ADGRG2: variants seen among roughly 807,000 people sequenced by gnomAD.
ADGRG2 encodes G protein-coupled receptor 64.
In ADGRG2, 26 loss-of-function variants were observed where a neutral mutation model predicts 74.1. That is an observed-to-expected ratio of 0.35 (90% CI 0.26 to 0.49). The LOEUF (loss-of-function observed/expected upper bound fraction) is 0.49, where lower values mean the gene tolerates loss of function less well. Ranked by LOEUF, ADGRG2 falls within the 20% of genes least tolerant of loss-of-function variation. The pLI is 0.99. For synonymous variants in ADGRG2, 296 were observed against 295.2 expected (o/e 1.00, Z -0.03); for missense variants, 619 against 763.1 (o/e 0.81, Z 2.22).
chrX:19,007,909 G>T, intron 19 of ADGRG2, 71 bp downstream of exon 19: 1 of 907,568 alleles, frequency 1.1e-6, no homozygotes, highest in African/African-American at 2.0e-5. Context: ...GAATATTCGA[G>T]CACTAAAAGA....
chrX:18,989,930 A>G lies in ADGRG2; in HGVS notation c.*934T>C, dbSNP rs1294796564. 2 of 112,407 alleles carry G rather than the reference A, an allele frequency of 1.8e-5. No individual in the cohort carries two copies. Among genetic ancestry groups the G allele is most frequent in the Non-Finnish European group, 3.8e-5 (2 of 53,201 alleles). The allele number at this position is 112,407 out of a possible 1,213,427, so 9.3% of individuals were successfully genotyped here. A position where few individuals can be genotyped will look rare whatever the true frequency, so the allele number is the denominator to read the frequency against. On this transcript the variant is annotated 3_prime_UTR_variant, in exon 29 of 29. Coordinates refer to ENST00000379869, the MANE Select transcript of ADGRG2 (RefSeq NM_001079858.3). Reference sequence around the variant, plus strand: ...CATCTACGTTCACAATTTTCCTGACACATGGTCTGGATGACAGTTCATCCC... The same window carrying G: ...CATCTACGTTCACAATTTTCCTGACGCATGGTCTGGATGACAGTTCATCCC...
intron 1 of ADGRG2, among the ~76,000 whole-genome samples, chrX:19,121,905 C>T (rs1162835398): frequency 8.9e-6 from 1 of 111,953 alleles, no homozygotes; most frequent in African/African-American, 3.2e-5. Context: ...GGCGTGCTCA[C>T]CCCCTGGCTC....
At chrX:19,093,900 T>TAC (rs1491463058) in intron 1 of ADGRG2, among the ~76,000 whole-genome samples, 5 of 84,828 alleles carry the variant, frequency 5.9e-5, no homozygotes, top group South Asian at 5.8e-4. Flanking sequence ...GGTATGTAGG[T>TAC]ATACACACAC....
At chrX:19,071,656 G>A (rs1240495152) in intron 2 of ADGRG2, among the ~76,000 whole-genome samples, 1 of 111,545 alleles carries the variant, frequency 9.0e-6, no homozygotes, top group East Asian at 2.8e-4. Flanking sequence ...TGGGCACAAG[G>A]GAGGCTTCTG....
At position 19,040,146 on chromosome X, in the gene ADGRG2, A is replaced by G. The variant is rs185062999; in HGVS notation, c.154+43T>C. Reference sequence around the variant, plus strand: ...TGTTTCATAGAGAACTTACAGAATAATATTTTCCTGAAATTCCCCAGAGTT... The same window carrying G: ...TGTTTCATAGAGAACTTACAGAATAGTATTTTCCTGAAATTCCCCAGAGTT... On this transcript the variant is annotated intron_variant, in intron 4 of 28. Coordinates refer to ENST00000379869, the MANE Select transcript of ADGRG2 (RefSeq NM_001079858.3). The G allele has an allele frequency of 8.8e-4, 808 of 915,601 alleles. 3 individuals carry two copies. The African/African-American group carries it at 0.012, about 13-fold the overall frequency. 75.5% of individuals were successfully genotyped at this position (915,601 alleles called of 1,213,427 possible). A position where few individuals can be genotyped will look rare whatever the true frequency, so the allele number is the denominator to read the frequency against.
chrX:19,026,833 T>C (rs1471441111), intron 11 of ADGRG2, among the ~76,000 whole-genome samples: 1 of 111,376 alleles, frequency 9.0e-6, no homozygotes, highest in Admixed American at 9.6e-5. Context: ...TCATTGTCTG[T>C]GCTTGTCCTT....
intron 1 of ADGRG2, among the ~76,000 whole-genome samples, chrX:19,085,293 G>A (rs1013304380): frequency 1.1e-4 from 12 of 111,645 alleles, no homozygotes; most frequent in East Asian, 8.4e-4. Flanking sequence ...ATATATATAC[G>A]AGGACTTGTT....
At chrX:19,027,311 C>A in intron 10 of ADGRG2, 37 bp from the exon 11 acceptor site, 1 of 893,911 alleles carries the variant, frequency 1.1e-6, no homozygotes, top group Non-Finnish European at 1.6e-6. Flanking sequence ...ATATAACAAA[C>A]ATTGTTTTGT....
chrX:19,111,544 TGCC>T (rs2062412131), intron 1 of ADGRG2, among the ~76,000 whole-genome samples: 1 of 111,848 alleles, frequency 8.9e-6, no homozygotes, highest in South Asian at 3.8e-4. Flanking sequence ...TGTCAAATGC[TGCC>T]GCCAAGTAAA....
chrX:19,039,973 AT>A (rs1295486978), intron 4 of ADGRG2, among the ~76,000 whole-genome samples: 1 of 112,018 alleles, frequency 8.9e-6, no homozygotes, highest in African/African-American at 3.2e-5. Flanking sequence ...GTCCCCTGTG[AT>A]TTGTTGCCTG....
intron 24 of ADGRG2, 31 bp from the exon 25 acceptor site, chrX:18,999,991 ATTTTTTT>A (rs754958892): frequency 8.8e-6 from 5 of 566,781 alleles, no homozygotes; most frequent in South Asian, 2.9e-5. Flanking sequence ...GTCACACCTA[ATTTTTTT>A]TTTTTTTTTT....
chrX:19,105,948 A>G (rs375544406), intron 1 of ADGRG2, among the ~76,000 whole-genome samples: 45 of 106,507 alleles, frequency 4.2e-4, no homozygotes, highest in Non-Finnish European at 6.4e-4. Context: ...AAAAAAAAAA[A>G]AAGAAGAAGA....
intron 16 of ADGRG2, among the ~76,000 whole-genome samples, chrX:19,011,578 G>A (rs186263982): frequency 1.8e-5 from 2 of 111,986 alleles, no homozygotes; most frequent in African/African-American, 3.2e-5. Context: ...GGTGGCTCGC[G>A]CCTGTAATCC....
chrX:19,091,047 C>G (rs2062009838), intron 1 of ADGRG2, among the ~76,000 whole-genome samples: 1 of 110,798 alleles, frequency 9.0e-6, no homozygotes, highest in Non-Finnish European at 1.9e-5. Flanking sequence ...AAGACCGTAT[C>G]AAGTAGAGGA....
At chrX:19,068,671 G>T in intron 3 of ADGRG2, 46 bp downstream of exon 3, 1 of 543,614 alleles carries the variant, frequency 1.8e-6, no homozygotes, top group Non-Finnish European at 3.0e-6. Context: ...ATACACACAT[G>T]CAGATAAACA....
intron 9 of ADGRG2, among the ~76,000 whole-genome samples, chrX:19,029,668 C>A: frequency 9.8e-6 from 1 of 102,185 alleles, no homozygotes; most frequent in East Asian, 3.1e-4. Context: ...AGCTTTCTGG[C>A]ATCTGTTACT....
chrX:19,120,353 T>C (rs1439622383), intron 1 of ADGRG2, among the ~76,000 whole-genome samples: 1 of 112,201 alleles, frequency 8.9e-6, no homozygotes, highest in Non-Finnish European at 1.9e-5. Flanking sequence ...ACACACAACT[T>C]GTCAATAAAC....
At chrX:18,996,824 A>G (rs2060027474) in intron 26 of ADGRG2, among the ~76,000 whole-genome samples, 1 of 111,310 alleles carries the variant, frequency 9.0e-6, no homozygotes, top group Non-Finnish European at 1.9e-5. Context: ...GCCACTCCCC[A>G]AGGCTTTTGC....
chrX:18,998,915 G>T, intron 26 of ADGRG2, 81 bp downstream of exon 26: 2 of 787,517 alleles, frequency 2.5e-6, no homozygotes, highest in South Asian at 2.6e-5. Flanking sequence ...CATCTCTGAG[G>T]CATGCCTGTA....
Sources: gnomAD v4.1 joint callset for allele counts (sites outside exome capture counted in the v4.1 genomes callset) on GRCh38, gnomAD v4.1.1 for gene constraint, MANE v1.5 for transcripts, NCBI Gene and HGNC (gene_info 2026-07-23, HGNC 2026-07-21) for gene names.